NSD2: variants seen among roughly 807,000 people sequenced by gnomAD.
NSD2 encodes nuclear receptor binding SET domain protein 2, also known as histone-lysine N-methyltransferase NSD2.
Under a neutral mutation model 139.0 loss-of-function variants are expected in NSD2, and 12 were observed. The ratio of observed to expected loss-of-function variants is 0.09; its 90% CI spans 0.06 to 0.14. The LOEUF (loss-of-function observed/expected upper bound fraction) is 0.14, where lower values mean the gene tolerates loss of function less well. Among genes scored for constraint, NSD2 ranks in the 10% least tolerant of loss-of-function variants. The pLI is 1.00. For synonymous variants in NSD2, 669 were observed against 648.7 expected (o/e 1.03, Z -0.48); for missense variants, 1,155 against 1,745.0 (o/e 0.66, Z 6.02).
rs778057489 is a variant in NSD2 at position 1,959,740 on chromosome 4, G to T, written c.3255G>T (p.Lys1085Asn). ...TGGTCGCCAAGAGGGACATCAGAAA[G>T]GTATGTGTCGTTATCCCCTCCCCTG... ...WGLVAKRDIR[K>N]GEFVNEYVGE... The change falls in exon 17 of 22, where the codon AAG becomes AAT. Residue 1085 changes from lysine to asparagine, a missense_variant and splice_region_variant. Lys to Asn is a moderately conservative substitution (Grantham distance 94). Coordinates refer to ENST00000508803, the MANE Select transcript of NSD2 (RefSeq NM_001042424.3). The T allele has an allele frequency of 6.2e-7, 1 of 1,612,078 alleles. No homozygotes were observed. Among genetic ancestry groups the T allele is most frequent in the African/African-American group, 1.3e-5 (1 of 74,904 alleles).
Position 1,973,027 on chromosome 4 carries a change from T to C in NSD2, c.3373-1836T>C, listed in dbSNP as rs139038407. On this transcript the variant is annotated intron_variant, in intron 18 of 21. Coordinates refer to ENST00000508803, the MANE Select transcript of NSD2 (RefSeq NM_001042424.3). This position sits in a 1 kb window ranked among gnomAD's most constrained non-coding sequence, Gnocchi z 5.5. ...ACCACCATAGCTGGATAATTTTTTG[T>C]ATTTTTATTAGAGACAGTTTCACCA... Among the ~76,000 whole-genome samples, 724 of 152,290 alleles carry C rather than the reference T, an allele frequency of 4.8e-3. 5 individuals are homozygous for C. The highest frequency in any genetic ancestry group is 0.017 in the African/African-American group (703 of 41,548).
chr4:1,955,113 A>T lies in NSD2; in HGVS notation c.2339-48A>T, dbSNP rs202081447. The stretch of plus-strand genomic sequence containing the variant: ...ATTATTAGTTGCTCTTTTCACTATG[A>T]CTGGAGTCAGTGTTTGGGGTCCTTA... On this transcript the variant is annotated intron_variant, in intron 12 of 21. Coordinates refer to ENST00000508803, the MANE Select transcript of NSD2 (RefSeq NM_001042424.3). The surrounding 1 kb of genome is among the most constrained non-coding windows in gnomAD (Gnocchi z 4.7). The T allele has an allele frequency of 9.0e-6, 14 of 1,549,450 alleles. No individual in the cohort carries two copies. In the East Asian group the frequency reaches 3.0e-4, roughly 33 times the overall value.
intron 3 of NSD2, among the ~76,000 whole-genome samples, chr4:1,908,058 A>C (rs1465583350): frequency 6.6e-6 from 1 of 152,242 alleles, no homozygotes; most frequent in Non-Finnish European, 1.5e-5. Context: ...TGCTAAGAGC[A>C]GGTGTAGGGC....
intron 3 of NSD2, among the ~76,000 whole-genome samples, chr4:1,912,435 G>A (rs114316691): frequency 6.7e-4 from 102 of 152,074 alleles, no homozygotes; most frequent in African/African-American, 2.4e-3. Flanking sequence ...GTTATGTTCT[G>A]TAATTGCATT....
At chr4:1,962,496 T>C (rs1450911085) in intron 18 of NSD2, among the ~76,000 whole-genome samples, 1 of 152,232 alleles carries the variant, frequency 6.6e-6, no homozygotes, top group Non-Finnish European at 1.5e-5. Context: ...ATGTCAGATA[T>C]TCGTAACTTA....
At chr4:1,938,339 G>A in intron 7 of NSD2, 112 bp from the exon 8 acceptor site, 1 of 976,854 alleles carries the variant, frequency 1.0e-6, no homozygotes, top group African/African-American at 1.8e-5. Flanking sequence ...CACATGAGGA[G>A]ATTTTTTTTC....
intron 9 of NSD2, chr4:1,941,384 G>C: frequency 1.2e-5 from 13 of 1,050,992 alleles, no homozygotes; most frequent in Non-Finnish European, 1.5e-5. Context: ...TGTTATTCCT[G>C]ATCCTAAGTC....
In NSD2 at chr4:1,974,611, C is replaced by T. The variant is rs1471327484; in HGVS notation, c.3373-252C>T. The T allele has an allele frequency of 1.6e-6, 1 of 630,678 alleles. No individual in the cohort carries two copies. The highest frequency in any genetic ancestry group is 3.0e-5 in the East Asian group (1 of 33,564). 39.1% of individuals were successfully genotyped at this position (630,678 alleles called of 1,614,324 possible). A position where few individuals can be genotyped will look rare whatever the true frequency, so the allele number is the denominator to read the frequency against. On this transcript the variant is annotated intron_variant, in intron 18 of 21. Transcript: ENST00000508803. This position sits in a 1 kb window ranked among gnomAD's most constrained non-coding sequence, Gnocchi z 4.0. Reference sequence around the variant, plus strand: ...GCCATCATGGAGGATGCTGGGAGCTCCAGCTCCCTGTCCTGTCCTCCCCGG... The same window carrying T: ...GCCATCATGGAGGATGCTGGGAGCTTCAGCTCCCTGTCCTGTCCTCCCCGG...
In NSD2 at chr4:1,885,341, A is replaced by G. The variant is rs142379152; in HGVS notation, c.-30+13799A>G. Reference sequence around the variant, plus strand: ...AGTGCCCTATCTCAGACACCTGCTTATGGATCAGTGGAGCATTATTGAGGG... The same window carrying G: ...AGTGCCCTATCTCAGACACCTGCTTGTGGATCAGTGGAGCATTATTGAGGG... On this transcript the variant is annotated intron_variant, in intron 1 of 21. Coordinates refer to ENST00000508803, the MANE Select transcript of NSD2 (RefSeq NM_001042424.3). 2.1e-3 allele frequency among the ~76,000 whole-genome samples: 317 copies of G among 152,310 alleles called. 2 individuals are homozygous for G. The highest frequency in any genetic ancestry group is 5.9e-3 in the Admixed American group (90 of 15,282).
At chr4:1,940,653 G>C in intron 9 of NSD2, 2 of 1,061,818 alleles carry the variant, frequency 1.9e-6, no homozygotes, top group Non-Finnish European at 2.3e-6. Context: ...ATGTTTATGA[G>C]GAGATGATAA....
chr4:1,916,055 C>CTA (rs1169774950), intron 3 of NSD2, among the ~76,000 whole-genome samples: 12 of 152,124 alleles, frequency 7.9e-5, no homozygotes, highest in Admixed American at 7.9e-4. Context: ...TTCCTCTCAG[C>CTA]TAAGAGTAAG....
chr4:1,970,145 G>A (rs939840387), intron 18 of NSD2, among the ~76,000 whole-genome samples: 3 of 152,316 alleles, frequency 2.0e-5, no homozygotes, highest in South Asian at 4.1e-4. Flanking sequence ...ATGGTTCAGC[G>A]GGGCTGAGTC....
Position 1,900,898 on chromosome 4 carries a change from C to T in NSD2, c.244C>T (p.Leu82Phe). The change falls in exon 2 of 22, where the codon CTT becomes TTT. Residue 82 changes from leucine (L) to phenylalanine (F), a missense_variant. This residue lies in a region of NSD2 where 246 missense variants were observed against 262.8 expected (regional missense o/e 0.94). Transcript: ENST00000508803. ...PFIPADKLKD[L>F]TSRVFNGEPG... is the part of the protein sequence containing the mutation. ...TATTCCAGCCGACAAGCTGAAAGAT[C>T]TTACTTCCCGGGTGTTTAATGGAGA... 1 of 1,613,278 alleles carries T rather than the reference C, an allele frequency of 6.2e-7. No individual in the cohort carries two copies. Among genetic ancestry groups the T allele is most frequent in the Admixed American group, 1.7e-5 (1 of 59,902 alleles).
Position 1,916,852 on chromosome 4 carries a change from A to G in NSD2, c.761-19A>G, listed in dbSNP as rs779869088. The stretch of plus-strand genomic sequence containing the variant: ...CAGATTCTAACTTTCATTCTCTAAC[A>G]TTTTATTTTAAAAACTAGGTCAGAA... On this transcript the variant is annotated intron_variant, in intron 3 of 21. Coordinates refer to ENST00000508803, the MANE Select transcript of NSD2 (RefSeq NM_001042424.3). The G allele has an allele frequency of 5.0e-6, 8 of 1,585,298 alleles. No individual in the cohort carries two copies. The highest frequency in any genetic ancestry group is 6.8e-6 in the Non-Finnish European group (8 of 1,167,916).
intron 5 of NSD2, among the ~76,000 whole-genome samples, chr4:1,923,679 T>C (rs1720472208): frequency 6.6e-6 from 1 of 152,158 alleles, no homozygotes; most frequent in Admixed American, 6.5e-5. Context: ...AAATTGAAGA[T>C]GTGCCTTTTT....
chr4:1,917,469 CTT>C (rs1163200160), intron 4 of NSD2, among the ~76,000 whole-genome samples: 2 of 152,116 alleles, frequency 1.3e-5, no homozygotes, highest in Admixed American at 6.6e-5. Context: ...GAGTTTCACT[CTT>C]GTCGCCCAGG....
chr4:1,923,344 A>G (rs956911664), intron 5 of NSD2, among the ~76,000 whole-genome samples: 2 of 150,662 alleles, frequency 1.3e-5, no homozygotes, highest in Non-Finnish European at 1.5e-5. Context: ...AAAAATTCTT[A>G]TGTGTCAAGG....
chr4:1,923,683 C>CT (rs1188276610), intron 5 of NSD2, among the ~76,000 whole-genome samples: 6 of 150,458 alleles, frequency 4.0e-5, no homozygotes, highest in African/African-American at 1.3e-4. Flanking sequence ...TGAAGATGTG[C>CT]CTTTTTTTCT....
In NSD2 at chr4:1,951,882, T is replaced by C. The variant is rs139760177; in HGVS notation, c.2014-226T>C. ...TGTGATCCTGTTACTTCCTTTGCCATTGCTGAGGACTGGCCTCTTTCTGTA... is the reference window on the plus strand; with the variant it reads ...TGTGATCCTGTTACTTCCTTTGCCACTGCTGAGGACTGGCCTCTTTCTGTA... On this transcript the variant is annotated intron_variant, in intron 10 of 21. Transcript: ENST00000508803. The C allele has an allele frequency of 2.3e-3, 1,332 of 579,996 alleles. 15 individuals carry two copies. The highest frequency in any genetic ancestry group is 0.014 in the South Asian group (480 of 34,440). 35.9% of individuals were successfully genotyped at this position (579,996 alleles called of 1,614,324 possible). A position where few individuals can be genotyped will look rare whatever the true frequency, so the allele number is the denominator to read the frequency against.
Sources: allele counts gnomAD v4.1 joint callset (sites outside exome capture counted in the v4.1 genomes callset), GRCh38; gene constraint gnomAD v4.1.1; regional missense constraint gnomAD v4.1.1; non-coding constraint Gnocchi (gnomAD v3.1); transcripts MANE v1.5; gene names NCBI Gene and HGNC (gene_info 2026-07-23, HGNC 2026-07-21).